The following CACNB2 variants were observed in gnomAD, a reference collection of about 807,000 sequenced individuals.
CACNB2 encodes calcium voltage-gated channel auxiliary subunit beta 2.
A neutral mutation model predicts 73.3 loss-of-function variants in CACNB2; 42 were observed. The ratio of observed to expected loss-of-function variants is 0.57; its 90% CI spans 0.45 to 0.74. The LOEUF (loss-of-function observed/expected upper bound fraction) is 0.74, where lower values mean the gene tolerates loss of function less well. Among genes scored for constraint, CACNB2 ranks in the 30% least tolerant of loss-of-function variants. The probability of loss-of-function intolerance (pLI) is 0.00; values close to 1 mark genes in which losing one functional copy is unlikely to be tolerated. For synonymous variants in CACNB2, 348 were observed against 310.3 expected (o/e 1.12, Z -1.28); for missense variants, 940 against 853.0 (o/e 1.10, Z -1.27).
chr10:18,448,886 T>A (rs16917367), intron 3 of CACNB2, among the ~76,000 whole-genome samples: 4,538 of 152,298 alleles, frequency 0.03, 87 homozygotes, highest in East Asian at 0.1. Context: ...GAGAATTATG[T>A]CCTAGAGTCT....
At chr10:18,278,362 A>G (rs1204431989) in intron 2 of CACNB2, among the ~76,000 whole-genome samples, 1 of 152,088 alleles carries the variant, frequency 6.6e-6, no homozygotes, top group Non-Finnish European at 1.5e-5. Flanking sequence ...TGGCTTCATG[A>G]TGATCATGAG....
intron 3 of CACNB2, among the ~76,000 whole-genome samples, chr10:18,411,063 A>G (rs1025636065): frequency 4.6e-5 from 7 of 152,220 alleles, no homozygotes; most frequent in African/African-American, 1.7e-4. Context: ...CATTCTTATT[A>G]AAATATTTTA....
intron 2 of CACNB2, among the ~76,000 whole-genome samples, chr10:18,334,897 A>C (rs2040941670): frequency 6.6e-6 from 1 of 152,276 alleles, no homozygotes; most frequent in South Asian, 2.1e-4. Context: ...TATAGATTAG[A>C]AACCTGGGAG....
intron 2 of CACNB2, among the ~76,000 whole-genome samples, chr10:18,242,297 T>C (rs2036687277): frequency 6.6e-6 from 1 of 152,132 alleles, no homozygotes; most frequent in Non-Finnish European, 1.5e-5. Context: ...GTTAAGTACT[T>C]AAAGAATTAG....
chr10:18,434,753 T>A (rs2046052268), intron 3 of CACNB2, among the ~76,000 whole-genome samples: 1 of 152,088 alleles, frequency 6.6e-6, no homozygotes, highest in Non-Finnish European at 1.5e-5. Flanking sequence ...AGCTTATGCC[T>A]AATGGTGTTT....
chr10:18,208,115 A>C (rs2035169464), intron 2 of CACNB2, among the ~76,000 whole-genome samples: 1 of 152,210 alleles, frequency 6.6e-6, no homozygotes, highest in Non-Finnish European at 1.5e-5. Context: ...CCTAAAACCC[A>C]AACAGGTAAA....
At chr10:18,217,270 G>A (rs1218826768) in intron 2 of CACNB2, among the ~76,000 whole-genome samples, 1 of 152,130 alleles carries the variant, frequency 6.6e-6, no homozygotes, top group African/African-American at 2.4e-5. Context: ...GATCACCTGA[G>A]GTCAGGAGTT....
At chr10:18,276,661 G>A (rs934447432) in intron 2 of CACNB2, among the ~76,000 whole-genome samples, 7 of 152,002 alleles carry the variant, frequency 4.6e-5, no homozygotes, top group Non-Finnish European at 7.4e-5. Flanking sequence ...CCACTGCAAC[G>A]TCTGACCCCC....
chr10:18,441,347 G>T lies in CACNB2; in HGVS notation c.333+39304G>T, dbSNP rs555225200. On this transcript the variant is annotated intron_variant, in intron 3 of 13. Coordinates refer to ENST00000324631, the MANE Select transcript of CACNB2 (RefSeq NM_201596.3). ...TTGAACCAGGGAGTCAGAGGTTACAGTGAGCTGATATCGCGTCACTGCACT... is the reference window on the plus strand; with the variant it reads ...TTGAACCAGGGAGTCAGAGGTTACATTGAGCTGATATCGCGTCACTGCACT... Among the ~76,000 whole-genome samples the T allele has an allele frequency of 9.8e-5, 15 of 152,308 alleles. No homozygotes were observed. The East Asian group carries it at 2.9e-3, about 29-fold the overall frequency.
intron 2 of CACNB2, among the ~76,000 whole-genome samples, chr10:18,247,359 T>A (rs550619019): frequency 6.6e-6 from 1 of 152,190 alleles, no homozygotes; most frequent in East Asian, 1.9e-4. Flanking sequence ...TAACACCAAT[T>A]CCCAATAAAG....
At chr10:18,394,547 C>T (rs557450136) in intron 2 of CACNB2, among the ~76,000 whole-genome samples, 2 of 152,096 alleles carry the variant, frequency 1.3e-5, no homozygotes, top group Non-Finnish European at 2.9e-5. Context: ...TTGTTATATA[C>T]TCATTTTACA....
chr10:18,527,406 T>C (rs1484427625), intron 9 of CACNB2, among the ~76,000 whole-genome samples, 182 bp from the exon 10 acceptor site: 1 of 151,872 alleles, frequency 6.6e-6, no homozygotes, highest in Non-Finnish European at 1.5e-5. Context: ...GTAAGGCAGG[T>C]GCAAGATAAA....
chr10:18,525,748 T>C (rs2052403904), intron 9 of CACNB2, among the ~76,000 whole-genome samples: 1 of 152,192 alleles, frequency 6.6e-6, no homozygotes, highest in Non-Finnish European at 1.5e-5. Flanking sequence ...ATTTGGAATT[T>C]GAACCTCTTG....
chr10:18,448,045 G>T (rs11014267), intron 3 of CACNB2, among the ~76,000 whole-genome samples: 1 of 151,910 alleles, frequency 6.6e-6, no homozygotes, highest in African/African-American at 2.4e-5. Flanking sequence ...AGGCTGGAGC[G>T]TAGTGGTACA....
chr10:18,323,653 AT>A (rs1418914475), intron 2 of CACNB2, among the ~76,000 whole-genome samples: 1 of 152,210 alleles, frequency 6.6e-6, no homozygotes, highest in Non-Finnish European at 1.5e-5. Context: ...ATGGATCTCA[AT>A]GTGATATTTT....
At chr10:18,370,425 G>A (rs1447317523) in intron 2 of CACNB2, among the ~76,000 whole-genome samples, 2 of 152,296 alleles carry the variant, frequency 1.3e-5, no homozygotes, top group African/African-American at 4.8e-5. Flanking sequence ...AGCCTCCCCA[G>A]TAGCTGGAAC....
chr10:18,512,156 G>A (rs2050833065), intron 6 of CACNB2, among the ~76,000 whole-genome samples: 1 of 152,174 alleles, frequency 6.6e-6, no homozygotes, highest in Admixed American at 6.5e-5. Flanking sequence ...AGTAAATCAT[G>A]TCAAGCAACA....
intron 2 of CACNB2, among the ~76,000 whole-genome samples, chr10:18,312,036 C>A (rs753654839): frequency 6.6e-6 from 1 of 152,144 alleles, no homozygotes; most frequent in South Asian, 2.1e-4. Context: ...AATCCCACAC[C>A]TTTTGAAATG....
At chr10:18,263,041 T>C (rs1042812186) in intron 2 of CACNB2, among the ~76,000 whole-genome samples, 4 of 152,198 alleles carry the variant, frequency 2.6e-5, no homozygotes, top group African/African-American at 7.2e-5. Context: ...AAGAAATGCA[T>C]ACCCTTGGTC....
Sources: allele counts gnomAD v4.1 joint callset (sites outside exome capture counted in the v4.1 genomes callset), GRCh38; gene constraint gnomAD v4.1.1; transcripts MANE v1.5; gene names NCBI Gene and HGNC (gene_info 2026-07-23, HGNC 2026-07-21).